INPP4B: variants seen among roughly 807,000 people sequenced by gnomAD.
INPP4B encodes the protein inositol polyphosphate 4-phosphatase type II.
INPP4B carries 55 observed loss-of-function variants against 122.5 expected under a neutral mutation model. The observed-to-expected ratio is 0.45, with a 90% CI of 0.36 to 0.56. The LOEUF (loss-of-function observed/expected upper bound fraction) is 0.56, where lower values mean the gene tolerates loss of function less well. Among genes scored for constraint, INPP4B ranks in the 20% least tolerant of loss-of-function variants. The pLI, the probability that INPP4B is intolerant of heterozygous loss-of-function variation, is 0.00. For synonymous variants in INPP4B, 403 were observed against 388.7 expected, an observed-to-expected ratio of 1.04 and a Z score of -0.43; for missense variants, 1,000 against 1,097.7, an observed-to-expected ratio of 0.91 and a Z score of 1.26.
At chr4:142,800,981 T>A (rs1777920909) in intron 1 of INPP4B, among the ~76,000 whole-genome samples, 1 of 152,002 alleles carries the variant, frequency 6.6e-6, no homozygotes, top group Non-Finnish European at 1.5e-5. Flanking sequence ...CCATGTTGGC[T>A]GGAAATAGAT....
chr4:142,757,582 AG>A (rs1561035913), intron 1 of INPP4B, among the ~76,000 whole-genome samples: 1 of 152,120 alleles, frequency 6.6e-6, no homozygotes, highest in Non-Finnish European at 1.5e-5. Flanking sequence ...TATTTATTTA[AG>A]CTTCCTCCGT....
At chr4:142,253,622 C>T (rs540712282) in intron 11 of INPP4B, among the ~76,000 whole-genome samples, 60 of 152,310 alleles carry the variant, frequency 3.9e-4, no homozygotes, top group African/African-American at 1.4e-3. Context: ...GGGTCAATCC[C>T]ACCCGAATAC....
At chr4:142,145,364 T>C (rs1328985795) in intron 18 of INPP4B, among the ~76,000 whole-genome samples, 3 of 152,094 alleles carry the variant, frequency 2.0e-5, no homozygotes, top group Non-Finnish European at 4.4e-5. Context: ...TATAATCAAA[T>C]CTTCCCATAT....
chr4:142,275,176 T>C (rs1221290788), intron 9 of INPP4B, among the ~76,000 whole-genome samples: 1 of 151,870 alleles, frequency 6.6e-6, no homozygotes, highest in Non-Finnish European at 1.5e-5. Flanking sequence ...AACAGTCTTC[T>C]AACAAAGGAT....
At chr4:142,624,536 A>G (rs1745837165) in intron 2 of INPP4B, among the ~76,000 whole-genome samples, 1 of 152,186 alleles carries the variant, frequency 6.6e-6, no homozygotes, top group Admixed American at 6.6e-5. Context: ...TTCACAGCCG[A>G]ATTCTATCAG....
At chr4:142,102,067 A>G (rs1010678829) in intron 23 of INPP4B, among the ~76,000 whole-genome samples, 1 of 152,044 alleles carries the variant, frequency 6.6e-6, no homozygotes, top group Admixed American at 6.6e-5. Context: ...GTCCCAATGG[A>G]GTCCTTTTAC....
At position 142,445,517 on chromosome 4, in the gene INPP4B, C is replaced by T. The variant is rs528621077; in HGVS notation, c.-126-14132G>A. Among the ~76,000 whole-genome samples, 20 of 152,166 alleles carry T rather than the reference C, an allele frequency of 1.3e-4. No homozygotes were observed. In the East Asian group the frequency reaches 1.7e-3, roughly 13 times the overall value. ...TGGTTAATTCATCAAGAAGACATTA[C>T]GATCTTAAATGTGAATGTACCTAAA... On this transcript the variant is annotated intron_variant, in intron 3 of 25. Transcript: ENST00000262992.
intron 25 of INPP4B, among the ~76,000 whole-genome samples, chr4:142,053,012 A>T (rs1455101253): frequency 6.6e-6 from 1 of 152,114 alleles, no homozygotes; most frequent in Admixed American, 6.6e-5. Flanking sequence ...CAATCTCATG[A>T]TGAATGTCTG....
At chr4:142,093,482 T>C (rs1780465348) in intron 23 of INPP4B, among the ~76,000 whole-genome samples, 2 of 152,210 alleles carry the variant, frequency 1.3e-5, no homozygotes, top group African/African-American at 4.8e-5. Context: ...TTAAAGAGCT[T>C]GTACTTCTAA....
At chr4:142,735,561 A>G (rs1766733228) in intron 1 of INPP4B, among the ~76,000 whole-genome samples, 1 of 152,150 alleles carries the variant, frequency 6.6e-6, no homozygotes, top group Non-Finnish European at 1.5e-5. Context: ...TTTGGTTACC[A>G]TGTTGCCCAA....
At chr4:142,190,204 T>TA (rs900795365) in intron 15 of INPP4B, among the ~76,000 whole-genome samples, 6 of 24,190 alleles carry the variant, frequency 2.5e-4, no homozygotes, top group African/African-American at 5.0e-4. Context: ...TTTGTTTATT[T>TA]TTGTTTTTTT....
intron 1 of INPP4B, among the ~76,000 whole-genome samples, chr4:142,825,663 G>C (rs1781370274): frequency 6.6e-6 from 1 of 152,106 alleles, no homozygotes; most frequent in Admixed American, 6.6e-5. Flanking sequence ...ATAACCTTGA[G>C]TTAGAGTATA....
intron 1 of INPP4B, among the ~76,000 whole-genome samples, chr4:142,838,255 C>A (rs1448085726): frequency 6.6e-6 from 1 of 151,736 alleles, no homozygotes; most frequent in Admixed American, 6.6e-5. Context: ...ATAATTCTAA[C>A]AATATTGTCT....
chr4:142,720,799 C>CTATATATATATA (rs1330449318), intron 2 of INPP4B, among the ~76,000 whole-genome samples: 6 of 26,320 alleles, frequency 2.3e-4, no homozygotes, highest in Non-Finnish European at 2.8e-4. Context: ...CTCTCTCTCT[C>CTATATATATATA]TCTCTCTCTC....
chr4:142,389,361 G>C (rs547157157), intron 7 of INPP4B, among the ~76,000 whole-genome samples: 1 of 151,740 alleles, frequency 6.6e-6, no homozygotes, highest in Admixed American at 6.6e-5. Context: ...TAATGTTTCC[G>C]TAAAAGAGCT....
At chr4:142,340,274 T>C (rs1416781367) in intron 7 of INPP4B, among the ~76,000 whole-genome samples, 1 of 152,164 alleles carries the variant, frequency 6.6e-6, no homozygotes, top group Non-Finnish European at 1.5e-5. Flanking sequence ...GATCTCTTGC[T>C]CCCCATCTTA....
At chr4:142,369,719 G>C (rs1001017148) in intron 7 of INPP4B, among the ~76,000 whole-genome samples, 1 of 151,876 alleles carries the variant, frequency 6.6e-6, no homozygotes, top group African/African-American at 2.4e-5. Context: ...CTGAGGTTAG[G>C]AGTTCGAGAC....
chr4:142,526,686 T>G (rs1826957982), intron 2 of INPP4B, among the ~76,000 whole-genome samples: 1 of 152,124 alleles, frequency 6.6e-6, no homozygotes, highest in African/African-American at 2.4e-5. Context: ...TTCAGAGGTT[T>G]GAAACATGTC....
chr4:142,831,143 A>T lies in INPP4B; in HGVS notation c.-254+15066T>A, dbSNP rs75921158. ...CAAAGATGTGAGAGGACCTAAGGAT[A>T]CATCCTCCCCTCACCCATTTTCTAC... On this transcript the variant is annotated intron_variant, in intron 1 of 25. Coordinates refer to ENST00000262992, the MANE Select transcript of INPP4B (RefSeq NM_001101669.3). Among the ~76,000 whole-genome samples, 587 of 152,320 alleles carry T rather than the reference A, an allele frequency of 3.9e-3. 4 individuals are homozygous for T. Among genetic ancestry groups the T allele is most frequent in the African/African-American group, 0.013 (554 of 41,582 alleles).
Sources: allele counts gnomAD v4.1 joint callset (sites outside exome capture counted in the v4.1 genomes callset), GRCh38; gene constraint gnomAD v4.1.1; transcripts MANE v1.5; gene names NCBI Gene and HGNC (gene_info 2026-07-23, HGNC 2026-07-21).